Variants in CEMIP2 observed in about 807,000 individuals in gnomAD.
The protein encoded by CEMIP2 is cell migration inducing hyaluronidase 2, also known as cell surface hyaluronidase CEMIP2.
CEMIP2 carries 79 observed loss-of-function variants against 146.9 expected under a neutral mutation model. That is an observed-to-expected ratio of 0.54 (90% confidence interval 0.45 to 0.65). The LOEUF (loss-of-function observed/expected upper bound fraction) is 0.65. CEMIP2 is among the 30% of genes least tolerant of loss of function. The pLI, the probability that CEMIP2 is intolerant of heterozygous loss-of-function variation, is 0.00. For missense variants in CEMIP2, 1,596 were observed against 1,696.2 expected (o/e 0.94, Z 1.04); for synonymous variants, 601 against 606.3 (o/e 0.99, Z 0.13).
chr9:71,749,919 G>A (rs191593059), intron 2 of CEMIP2, 124 bp downstream of exon 2: 14 of 726,542 alleles, frequency 1.9e-5, no homozygotes, highest in East Asian at 8.3e-5. Context: ...GTGACACCTC[G>A]TATTACCTAA....
chr9:71,748,780 G>A (rs1824162214), intron 2 of CEMIP2, among the ~76,000 whole-genome samples: 1 of 152,186 alleles, frequency 6.6e-6, no homozygotes, highest in South Asian at 2.1e-4. Context: ...CTCATTTGAG[G>A]TTTATTTTCT....
At chr9:71,716,082 A>G (rs1823048755) in intron 14 of CEMIP2, among the ~76,000 whole-genome samples, 1 of 152,192 alleles carries the variant, frequency 6.6e-6, no homozygotes, top group Non-Finnish European at 1.5e-5. Context: ...ATTTAACATG[A>G]CAACTAGAAT....
At chr9:71,721,736 T>C (rs1418309831) in intron 12 of CEMIP2, among the ~76,000 whole-genome samples, 1 of 152,244 alleles carries the variant, frequency 6.6e-6, no homozygotes, top group Non-Finnish European at 1.5e-5. Context: ...ATTTGAAGTA[T>C]GGAAAATAAT....
intron 1 of CEMIP2, among the ~76,000 whole-genome samples, chr9:71,753,326 CAATAA>C (rs896726775): frequency 1.3e-5 from 2 of 151,922 alleles, no homozygotes; most frequent in Non-Finnish European, 2.9e-5. Context: ...GATGTGCCCA[CAATAA>C]AATAAAAGGC....
chr9:71,701,326 G>A (rs1822555619), intron 18 of CEMIP2, among the ~76,000 whole-genome samples: 1 of 152,064 alleles, frequency 6.6e-6, no homozygotes, highest in Admixed American at 6.5e-5. Context: ...GGCCGGTCTC[G>A]AACTCCTGAC....
chr9:71,709,388 G>A lies in CEMIP2; in HGVS notation c.2856C>T (p.Asp952=), dbSNP rs753753751. 1.2e-6 allele frequency: 2 copies of A among 1,614,168 alleles called. No individual in the cohort carries two copies. Among genetic ancestry groups the A allele is most frequent in the Non-Finnish European group, 1.7e-6 (2 of 1,180,022 alleles). Residue 952 remains aspartate, a synonymous_variant, in exon 17 of 24, where the codon GAC becomes GAT. Coordinates refer to ENST00000377044, the MANE Select transcript of CEMIP2 (RefSeq NM_013390.3). The part of the protein sequence containing the change: ...MDGDKNSIFH[D]IDGSVTGYKD... ...TGTATCCTGTCACAGAGCCATCAAT[G>A]TCATGGAATATGGAGTTCTTATCAC...
chr9:71,752,489 A>T (rs114214342), intron 1 of CEMIP2, among the ~76,000 whole-genome samples: 1,892 of 10,604 alleles, frequency 0.18, 1 homozygote, highest in Middle Eastern at 0.25. Context: ...AGGGGGAGGG[A>T]AGGAGGGAGG....
chr9:71,702,476 C>A (rs1202197129), intron 18 of CEMIP2, among the ~76,000 whole-genome samples: 2 of 151,972 alleles, frequency 1.3e-5, no homozygotes, highest in African/African-American at 4.8e-5. Context: ...CATCCATAGA[C>A]ACAAAGCAAC....
At chr9:71,703,989 G>A (rs1020543926) in intron 18 of CEMIP2, among the ~76,000 whole-genome samples, 10 of 152,308 alleles carry the variant, frequency 6.6e-5, no homozygotes, top group East Asian at 1.9e-4. Context: ...TAGAAGGCAA[G>A]TACTTCTCTC....
At chr9:71,739,856 CCAAAA>C (rs1823864575) in intron 5 of CEMIP2, among the ~76,000 whole-genome samples, 1 of 152,054 alleles carries the variant, frequency 6.6e-6, no homozygotes, top group Admixed American at 6.5e-5. Flanking sequence ...TCTAGGGAAG[CCAAAA>C]GATTGGAGAC....
chr9:71,731,267 G>T (rs543379711), intron 7 of CEMIP2, among the ~76,000 whole-genome samples: 1 of 152,228 alleles, frequency 6.6e-6, no homozygotes, highest in South Asian at 2.1e-4. Context: ...CTGATAAATA[G>T]TTATTTATTT....
intron 1 of CEMIP2, among the ~76,000 whole-genome samples, chr9:71,753,450 G>A (rs1448567106): frequency 2.6e-5 from 4 of 152,158 alleles, no homozygotes; most frequent in African/African-American, 4.8e-5. Flanking sequence ...CAAACTAAAG[G>A]GGTCAATAAA....
At chr9:71,766,853 G>T (rs1273910887) in intron 1 of CEMIP2, among the ~76,000 whole-genome samples, 2 of 152,178 alleles carry the variant, frequency 1.3e-5, no homozygotes, top group Admixed American at 1.3e-4. Flanking sequence ...ACAGCGTCAG[G>T]AGGACTGAAC....
chr9:71,730,899 T>C lies in CEMIP2; in HGVS notation c.1579A>G (p.Thr527Ala), dbSNP rs1172071390. ...TCCACATAAGAAAGATGGACTGAAG[T>C]AAAATTTTTCATTATCTGTAAGTCA... is the stretch of plus-strand genomic sequence containing the variant. ...GGHIMIMKNF[T>A]SVHLSYVELK... Residue 527 changes from threonine to alanine, a missense_variant, in exon 8 of 24, where the codon ACT becomes GCT. Thr to Ala is a moderately conservative substitution (Grantham distance 58). Transcript: ENST00000377044. 7 of 1,614,190 alleles carry C rather than the reference T, an allele frequency of 4.3e-6. No homozygotes were observed. In the South Asian group the frequency reaches 5.5e-5, roughly 13 times the overall value.
At chr9:71,709,105 C>A (rs957321353) in intron 17 of CEMIP2, among the ~76,000 whole-genome samples, 154 bp downstream of exon 17, 1 of 151,992 alleles carries the variant, frequency 6.6e-6, no homozygotes, top group East Asian at 1.9e-4. Flanking sequence ...CCTAATGAAT[C>A]GAAAGAAAGA....
At chr9:71,701,945 A>C (rs1281667593) in intron 18 of CEMIP2, among the ~76,000 whole-genome samples, 1 of 152,174 alleles carries the variant, frequency 6.6e-6, no homozygotes, top group African/African-American at 2.4e-5. Flanking sequence ...TGTTTAAATA[A>C]TATGTAACAA....
Position 71,683,987 on chromosome 9 carries a change from T to C in CEMIP2, c.*1210A>G, listed in dbSNP as rs1210014129. ...ATCCCAGGCTGTGGAGCCAGTTGCC[T>C]CTTGCCGCATGTGATTCACCAGCAG... On this transcript the variant is annotated 3_prime_UTR_variant, in exon 24 of 24. Transcript: ENST00000377044. 6.6e-6 allele frequency: 1 copy of C among 152,248 alleles called. No homozygotes were observed. Among genetic ancestry groups the C allele is most frequent in the African/African-American group, 2.4e-5 (1 of 41,466 alleles). The allele number at this position is 152,248 out of a possible 1,614,324, so 9.4% of individuals were successfully genotyped here. A position where few individuals can be genotyped will look rare whatever the true frequency, so the allele number is the denominator to read the frequency against.
chr9:71,747,775 C>T (rs1824130415), intron 2 of CEMIP2, among the ~76,000 whole-genome samples: 1 of 152,178 alleles, frequency 6.6e-6, no homozygotes, highest in Non-Finnish European at 1.5e-5. Flanking sequence ...CTTCCTGTTT[C>T]TGAGCTCTCA....
At chr9:71,716,812 C>T (rs1214308448) in intron 13 of CEMIP2, among the ~76,000 whole-genome samples, 1 of 152,170 alleles carries the variant, frequency 6.6e-6, no homozygotes, top group Non-Finnish European at 1.5e-5. Flanking sequence ...CTTTTCCCAT[C>T]TGTAAGTTGA....
Sources: gnomAD v4.1 joint callset for allele counts (sites outside exome capture counted in the v4.1 genomes callset) on GRCh38, gnomAD v4.1.1 for gene constraint, MANE v1.5 for transcripts, NCBI Gene and HGNC (gene_info 2026-07-23, HGNC 2026-07-21) for gene names.